ROBO3: variants seen among roughly 807,000 people sequenced by gnomAD.
ROBO3 encodes the protein roundabout guidance receptor 3.
Under a neutral mutation model 160.5 loss-of-function variants are expected in ROBO3, and 97 were observed. That is an observed-to-expected ratio of 0.60 (90% CI 0.51 to 0.72). The LOEUF (loss-of-function observed/expected upper bound fraction) is 0.72. ROBO3 is among the 30% of genes least tolerant of loss of function. The pLI is 0.00. For missense variants in ROBO3, 1,858 were observed against 1,846.5 expected (o/e 1.01, Z -0.11); for synonymous variants, 780 against 746.2 (o/e 1.05, Z -0.74).
chr11:124,875,111 G>A lies in ROBO3; in HGVS notation c.2074G>A (p.Val692Met), dbSNP rs757850671. ...GPRTLQVSWT[V>M]DGPVQLVQGF... is the part of the protein sequence containing the mutation. ...GTGTGCCTTGTCCTGTCTCCCACAG[G>A]TGGATGGCCCAGTCCAGCTGGTGCA... The change falls in exon 14 of 28, where the codon GTG (valine) becomes ATG (methionine). Residue 692 changes from valine (V) to methionine (M), a missense_variant and splice_region_variant. Coordinates refer to ENST00000397801, the MANE Select transcript of ROBO3 (RefSeq NM_022370.4). The A allele has an allele frequency of 3.7e-6, 6 of 1,600,072 alleles. No homozygotes were observed. The Admixed American group carries it at 7.0e-5, about 19-fold the overall frequency.
At position 124,879,245 on chromosome 11, in the gene ROBO3, A is replaced by G. The variant is rs767114427; in HGVS notation, c.3589A>G (p.Ile1197Val). Reference protein sequence around the residue: ...PLSVSQPMLGIREARPAGLGA... With the variant: ...PLSVSQPMLGVREARPAGLGA... ...CAGTGTATCCCAGCCCATGCTGGGC[A>G]TCCGTGAAGCGAGGCCTGCTGGCTT... The change falls in exon 24 of 28, where the codon ATC (isoleucine) becomes GTC (valine). Residue 1197 changes from isoleucine to valine, a missense_variant. Coordinates refer to ENST00000397801, the MANE Select transcript of ROBO3 (RefSeq NM_022370.4). The G allele has an allele frequency of 3.0e-5, 47 of 1,562,726 alleles. No individual in the cohort carries two copies. The highest frequency in any genetic ancestry group is 9.6e-5 in the East Asian group (4 of 41,758).
chr11:124,881,257 T>C lies in ROBO3; in HGVS notation c.*7T>C, dbSNP rs757770416. On this transcript the variant is annotated 3_prime_UTR_variant, in exon 28 of 28. Coordinates refer to ENST00000397801, the MANE Select transcript of ROBO3 (RefSeq NM_022370.4). ...TCCCTAGGAACCAAGATGACCCTTG[T>C]TGGGGCATTGAGAATATCATGAGTG... 5.6e-6 allele frequency: 9 copies of C among 1,603,306 alleles called. No homozygotes were observed. The highest frequency in any genetic ancestry group is 4.5e-5 in the East Asian group (2 of 44,660).
rs1246643056 is a variant in ROBO3 at position 124,869,571 on chromosome 11, C to G, written c.609C>G (p.Asp203Glu). The G allele has an allele frequency of 3.2e-6, 5 of 1,573,816 alleles. No individual in the cohort carries two copies. Among genetic ancestry groups the G allele is most frequent in the South Asian group, 1.2e-5 (1 of 85,274 alleles). The change falls in exon 3 of 28, where the codon GAC becomes GAG. Residue 203 changes from aspartate to glutamate, a missense_variant. Asp to Glu is a conservative substitution (Grantham distance 45). Coordinates refer to ENST00000397801, the MANE Select transcript of ROBO3 (RefSeq NM_022370.4). This position sits in a 1 kb window ranked among gnomAD's most constrained non-coding sequence, Gnocchi z 4.2. Reference protein sequence around the residue: ...HPEPSVSWRKDGARLKEEEGR... With the variant: ...HPEPSVSWRKEGARLKEEEGR... Reference sequence around the variant, plus strand: ...AGCCTTCCGTGTCCTGGAGGAAGGACGGTGCAAGACTCAAGGAAGAGGAAG... The same window carrying G: ...AGCCTTCCGTGTCCTGGAGGAAGGAGGGTGCAAGACTCAAGGAAGAGGAAG...
In ROBO3 at chr11:124,869,172, G is replaced by A. The variant is rs374378968; in HGVS notation, c.487+44G>A. On this transcript the variant is annotated intron_variant, in intron 2 of 27. Coordinates refer to ENST00000397801, the MANE Select transcript of ROBO3 (RefSeq NM_022370.4). This position sits in a 1 kb window ranked among gnomAD's most constrained non-coding sequence, Gnocchi z 4.2. ...TCAGCTGGTTGCTTCCAGAGCCTGG[G>A]GTAGGCGGGAGGGCACTGGGCAATC... The A allele has an allele frequency of 6.8e-4, 1,012 of 1,496,592 alleles. 3 individuals carry two copies. Among genetic ancestry groups the A allele is most frequent in the Middle Eastern group, 4.9e-3 (25 of 5,152 alleles). The allele number at this position is 1,496,592 out of a possible 1,614,324, so 92.7% of individuals were successfully genotyped here.
intron 1 of ROBO3, among the ~76,000 whole-genome samples, chr11:124,867,226 C>G (rs1408207510): frequency 6.6e-6 from 1 of 152,084 alleles, no homozygotes; most frequent in African/African-American, 2.4e-5. Context: ...ACTGTAGGAG[C>G]CAAGATAAGG....
At chr11:124,868,513 G>C in intron 1 of ROBO3, 1 of 599,836 alleles carries the variant, frequency 1.7e-6, no homozygotes, top group East Asian at 2.8e-5. Flanking sequence ...TGGCAGGAGA[G>C]GAGACGGAGG....
Position 124,878,343 on chromosome 11 carries a change from T to TGCCCTCTCTGAACTGGCCAGAA in ROBO3, c.3233_3254dup (p.Pro1086SerfsTer15). 1 of 1,613,860 alleles carries TGCCCTCTCTGAACTGGCCAGAA rather than the reference T, an allele frequency of 6.2e-7. No individual in the cohort carries two copies. The highest frequency in any genetic ancestry group is 2.2e-5 in the East Asian group (1 of 44,868). ...AAGCTTCTGGGGAAACCTGTGCAGA[T>TGCCCTCTCTGAACTGGCCAGAA]GCCCTCTCTGAACTGGCCAGAAGCC... On this transcript the variant is annotated frameshift_variant, in exon 22 of 28. Transcript: ENST00000397801. LOFTEE classifies it high-confidence loss of function. The surrounding 1 kb of genome is among the most constrained non-coding windows in gnomAD (Gnocchi z 4.3).
In ROBO3 at chr11:124,869,441, C is replaced by CCCCCCCCCCTCCT; in HGVS notation, c.488-7_488-6insCCCCCCCTCCTCC. On this transcript the variant is annotated splice_polypyrimidine_tract_variant and intron_variant, in intron 2 of 27. Coordinates refer to ENST00000397801, the MANE Select transcript of ROBO3 (RefSeq NM_022370.4). This position sits in a 1 kb window ranked among gnomAD's most constrained non-coding sequence, Gnocchi z 4.2. ...CCCTGCTTATTTCGCCCCCCACCGC[C>CCCCCCCCCCTCCT]CCGCCCAGTCCTCCGTGATGATTTC... The CCCCCCCCCCTCCT allele has an allele frequency of 1.3e-6, 2 of 1,482,028 alleles. No homozygotes were observed. Among genetic ancestry groups the CCCCCCCCCCTCCT allele is most frequent in the Non-Finnish European group, 1.8e-6 (2 of 1,085,132 alleles). 91.8% of individuals were successfully genotyped at this position (1,482,028 alleles called of 1,614,324 possible).
Position 124,872,328 on chromosome 11 carries a change from C to T in ROBO3, c.1159-53C>T, listed in dbSNP as rs1271003511. On this transcript the variant is annotated intron_variant, in intron 7 of 27. Transcript: ENST00000397801. The surrounding 1 kb of genome is among the most constrained non-coding windows in gnomAD (Gnocchi z 4.3). ...GAGATTGACAGGAATGGGGACCTCTCCCTGCCCAGCTGCCTGCTCATTCCC... is the reference window on the plus strand; with the variant it reads ...GAGATTGACAGGAATGGGGACCTCTTCCTGCCCAGCTGCCTGCTCATTCCC... 1.3e-6 allele frequency: 2 copies of T among 1,533,044 alleles called. No homozygotes were observed. Among genetic ancestry groups the T allele is most frequent in the Non-Finnish European group, 1.8e-6 (2 of 1,106,714 alleles). The allele number at this position is 1,533,044 out of a possible 1,614,324, so 95.0% of individuals were successfully genotyped here.
intron 6 of ROBO3, 51 bp downstream of exon 6, chr11:124,870,779 A>T: frequency 6.3e-7 from 1 of 1,594,830 alleles, no homozygotes; most frequent in Non-Finnish European, 8.5e-7. Flanking sequence ...GGAGGGGAGA[A>T]GGAGGATGGT....
At chr11:124,871,199 C>T (rs999047167) in intron 7 of ROBO3, 61 bp downstream of exon 7, 4 of 1,534,102 alleles carry the variant, frequency 2.6e-6, no homozygotes, top group Non-Finnish European at 3.5e-6. Context: ...GCCTCCCTCC[C>T]TCTACATTCT....
At chr11:124,875,774 T>C in intron 15 of ROBO3, 89 bp downstream of exon 15, 1 of 1,510,360 alleles carries the variant, frequency 6.6e-7, no homozygotes, top group Non-Finnish European at 9.0e-7. Flanking sequence ...GGAGGAAATC[T>C]ATTACAGGTT....
chr11:124,866,805 G>A (rs190573179), intron 1 of ROBO3, among the ~76,000 whole-genome samples: 73 of 152,256 alleles, frequency 4.8e-4, no homozygotes, highest in African/African-American at 1.6e-3. Flanking sequence ...GGAAAAGGCC[G>A]ACCAGAAGGG....
rs1372032666 is a variant in ROBO3, at chr11:124,869,711, T to C, written c.645+104T>C. 1 of 1,347,794 alleles carries C rather than the reference T, an allele frequency of 7.4e-7. No individual in the cohort carries two copies. The highest frequency in any genetic ancestry group is 2.5e-5 in the East Asian group (1 of 39,824). 83.5% of individuals were successfully genotyped at this position (1,347,794 alleles called of 1,614,324 possible). Reference sequence around the variant, plus strand: ...ATCAGGGCATTAGCTAACCAGAGACTAAGAGTCAGCTATACAGTGAGGGAT... The same window carrying C: ...ATCAGGGCATTAGCTAACCAGAGACCAAGAGTCAGCTATACAGTGAGGGAT... On this transcript the variant is annotated intron_variant, in intron 3 of 27. Coordinates refer to ENST00000397801, the MANE Select transcript of ROBO3 (RefSeq NM_022370.4). The surrounding 1 kb of genome is among the most constrained non-coding windows in gnomAD (Gnocchi z 4.2).
chr11:124,880,745 G>C, intron 27 of ROBO3, 137 bp downstream of exon 27: 164 of 1,168,620 alleles, frequency 1.4e-4, no homozygotes, highest in Non-Finnish European at 1.8e-4. Context: ...TGAGGGGGAG[G>C]GAGGAATCCT....
Position 124,873,895 on chromosome 11 carries a change from A to T in ROBO3, c.1784+33A>T. On this transcript the variant is annotated intron_variant, in intron 11 of 27. Transcript: ENST00000397801. The surrounding 1 kb of genome is among the most constrained non-coding windows in gnomAD (Gnocchi z 4.5). ...GAAAGTTTTGAATGCAAACCTGGAG[A>T]GTTAAAAGGAGGGGATCCTATGCCC... 1 of 1,610,436 alleles carries T rather than the reference A, an allele frequency of 6.2e-7. No individual in the cohort carries two copies. Among genetic ancestry groups the T allele is most frequent in the Non-Finnish European group, 8.5e-7 (1 of 1,177,738 alleles).
rs749895446 is a variant in ROBO3, at chr11:124,877,197, T to C, written c.2803+13T>C. The C allele has an allele frequency of 4.3e-6, 7 of 1,613,976 alleles. No individual in the cohort carries two copies. The South Asian group carries it at 6.6e-5, about 15-fold the overall frequency. On this transcript the variant is annotated intron_variant, in intron 18 of 27. Coordinates refer to ENST00000397801, the MANE Select transcript of ROBO3 (RefSeq NM_022370.4). ...TACACACCGGCAGGTAAGCCATCTCTGCCCCAGTGGGGTTCAGACCCCCCG... is the reference window on the plus strand; with the variant it reads ...TACACACCGGCAGGTAAGCCATCTCCGCCCCAGTGGGGTTCAGACCCCCCG...
chr11:124,868,494 G>A (rs1487485616), intron 1 of ROBO3: 2 of 596,276 alleles, frequency 3.4e-6, no homozygotes, highest in Admixed American at 2.9e-5. Flanking sequence ...AGCCACTCCC[G>A]CTTAAACTTG....
At chr11:124,870,864 A>T in intron 6 of ROBO3, 136 bp downstream of exon 6, 1 of 1,516,424 alleles carries the variant, frequency 6.6e-7, no homozygotes, top group Admixed American at 1.8e-5. Context: ...AAGGAGTGGG[A>T]GGAGGAGAAC....
Sources: allele counts gnomAD v4.1 joint callset (sites outside exome capture counted in the v4.1 genomes callset), GRCh38; gene constraint gnomAD v4.1.1; non-coding constraint Gnocchi (gnomAD v3.1); transcripts MANE v1.5; gene names NCBI Gene and HGNC (gene_info 2026-07-23, HGNC 2026-07-21).